The following LRRK1 variants were observed in gnomAD, a reference collection of about 807,000 sequenced individuals.
The protein encoded by LRRK1 is leucine-rich repeat serine/threonine-protein kinase 1.
In LRRK1, 113 loss-of-function variants were observed where a neutral mutation model predicts 209.1. The observed-to-expected ratio is 0.54, with a 90% CI of 0.46 to 0.63. LRRK1 has a LOEUF of 0.63. LRRK1 is among the 30% of genes least tolerant of loss of function. The probability of loss-of-function intolerance (pLI) is 0.00; values close to 1 mark genes in which losing one functional copy is unlikely to be tolerated. For missense variants in LRRK1, 2,284 were observed against 2,632.2 expected, an observed-to-expected ratio of 0.87 and a Z score of 2.89; for synonymous variants, 1,144 against 1,099.7, an observed-to-expected ratio of 1.04 and a Z score of -0.80.
At chr15:101,019,591 C>T (rs891683631) in intron 12 of LRRK1, among the ~76,000 whole-genome samples, 1 of 152,138 alleles carries the variant, frequency 6.6e-6, no homozygotes, top group South Asian at 2.1e-4. Context: ...TACCCATTAC[C>T]ATTGTTATTG....
At position 101,027,249 on chromosome 15, in the gene LRRK1, T is replaced by C. The variant is rs375996823; in HGVS notation, c.2406-12T>C. 2.9e-5 allele frequency: 46 copies of C among 1,613,610 alleles called. No individual in the cohort carries two copies. Among genetic ancestry groups the C allele is most frequent in the Non-Finnish European group, 3.7e-5 (44 of 1,179,906 alleles). ...GGGCATGATGAGTAAAGACGGGTCT[T>C]TTTGCTCACAGTGAGATTTCCTGCA... On this transcript the variant is annotated splice_polypyrimidine_tract_variant and intron_variant, in intron 17 of 33. Coordinates refer to ENST00000388948, the MANE Select transcript of LRRK1 (RefSeq NM_024652.6). The surrounding 1 kb of genome is among the most constrained non-coding windows in gnomAD (Gnocchi z 5.1).
intron 6 of LRRK1, among the ~76,000 whole-genome samples, chr15:100,996,351 G>C (rs1326945335): frequency 1.3e-5 from 2 of 152,224 alleles, no homozygotes; most frequent in African/African-American, 4.8e-5. Flanking sequence ...GGCCCCCATG[G>C]TGACAGCCAG....
At chr15:100,990,596 A>G (rs1273436900) in intron 6 of LRRK1, among the ~76,000 whole-genome samples, 2 of 152,140 alleles carry the variant, frequency 1.3e-5, no homozygotes, top group Admixed American at 6.5e-5. Context: ...TATATTAGTA[A>G]TAATACTGGA....
intron 29 of LRRK1, among the ~76,000 whole-genome samples, chr15:101,058,991 ACTTCGCAGTTTCT>A (rs1453736553): frequency 6.6e-6 from 1 of 152,126 alleles, no homozygotes; most frequent in Non-Finnish European, 1.5e-5. Flanking sequence ...AACGGAACAG[ACTTCGCAGTTTCT>A]CTTAGGTCAG....
Position 101,008,923 on chromosome 15 carries a change from C to T in LRRK1, c.849C>T (p.Leu283=). The T allele has an allele frequency of 1.2e-6, 2 of 1,614,162 alleles. No individual in the cohort carries two copies. The highest frequency in any genetic ancestry group is 1.7e-6 in the Non-Finnish European group (2 of 1,180,012). Residue 283 remains leucine, a synonymous_variant, in exon 7 of 34, where the codon CTC becomes CTT. Coordinates refer to ENST00000388948, the MANE Select transcript of LRRK1 (RefSeq NM_024652.6). ...LIDISCQITE[L]DLSANCLATL... The stretch of plus-strand genomic sequence containing the variant: ...ACATCTCCTGCCAGATCACGGAGCT[C>T]GACCTTTCTGCCAACTGCCTGGCGA...
rs115505750 is a variant in LRRK1 at position 100,926,482 on chromosome 15, A to G, written c.97+1753A>G. Among the ~76,000 whole-genome samples, 1,418 of 151,690 alleles carry G rather than the reference A, an allele frequency of 9.3e-3. 20 individuals carry two copies. Among genetic ancestry groups the G allele is most frequent in the African/African-American group, 0.033 (1,354 of 41,260 alleles). On this transcript the variant is annotated intron_variant, in intron 2 of 33. Coordinates refer to ENST00000388948, the MANE Select transcript of LRRK1 (RefSeq NM_024652.6). ...GGCGCTGCTCCCTCCCCTCCTGGTC[A>G]ACAGTTGGTGATCTAAAGGAGTGCT...
intron 4 of LRRK1, 54 bp downstream of exon 4, chr15:100,983,753 G>T (rs2031726901): frequency 6.6e-7 from 1 of 1,522,152 alleles, no homozygotes; most frequent in East Asian, 2.2e-5. Flanking sequence ...CTCTTCTTAG[G>T]CTTCACCCCA....
chr15:100,975,330 G>T (rs981423309), intron 3 of LRRK1, among the ~76,000 whole-genome samples: 1 of 152,242 alleles, frequency 6.6e-6, no homozygotes, highest in African/African-American at 2.4e-5. Context: ...ATGCTGACGG[G>T]GGAAGATGAT....
At chr15:100,933,110 ACT>A (rs1258350701) in intron 2 of LRRK1, among the ~76,000 whole-genome samples, 1 of 151,806 alleles carries the variant, frequency 6.6e-6, no homozygotes, top group Non-Finnish European at 1.5e-5. Flanking sequence ...CCTGCAGGAG[ACT>A]CTGTGTTCCT....
intron 23 of LRRK1, 108 bp downstream of exon 23, chr15:101,049,891 C>G: frequency 7.9e-7 from 1 of 1,265,982 alleles, no homozygotes; most frequent in East Asian, 2.5e-5. Context: ...GGATTCAGCC[C>G]AAGAAAACTA....
In LRRK1 at chr15:101,027,341, T is replaced by C. The variant is rs1399654915; in HGVS notation, c.2486T>C (p.Val829Ala). The C allele has an allele frequency of 6.2e-7, 1 of 1,613,968 alleles. No individual in the cohort carries two copies. The highest frequency in any genetic ancestry group is 1.3e-5 in the African/African-American group (1 of 74,932). Residue 829 changes from valine (V) to alanine (A), a missense_variant, in exon 18 of 34, where the codon GTG becomes GCG. Coordinates refer to ENST00000388948, the MANE Select transcript of LRRK1 (RefSeq NM_024652.6). This position sits in a 1 kb window ranked among gnomAD's most constrained non-coding sequence, Gnocchi z 5.1. Reference protein sequence around the residue: ...IFHVTCSMKDVGSTIGCQRLA... With the variant: ...IFHVTCSMKDAGSTIGCQRLA... The stretch of plus-strand genomic sequence containing the variant: ...CACGTCACGTGCAGCATGAAGGACG[T>C]GGGCAGCACCATCGGCTGCCAGCGA...
chr15:101,031,766 G>A (rs374611558), intron 20 of LRRK1, among the ~76,000 whole-genome samples: 2 of 148,324 alleles, frequency 1.3e-5, no homozygotes, highest in South Asian at 2.1e-4. Context: ...ATGGAGTCTC[G>A]CTCTGTCGCC....
intron 20 of LRRK1, among the ~76,000 whole-genome samples, chr15:101,037,537 C>T (rs2034540728): frequency 6.6e-6 from 1 of 152,158 alleles, no homozygotes; most frequent in South Asian, 2.1e-4. Context: ...GATCCCCAGG[C>T]CAGCAATGGA....
chr15:101,006,018 T>C (rs896962372), intron 6 of LRRK1, among the ~76,000 whole-genome samples: 1 of 152,152 alleles, frequency 6.6e-6, no homozygotes, highest in Non-Finnish European at 1.5e-5. Flanking sequence ...AAACACAGAA[T>C]TGTCACATAG....
At chr15:100,953,086 A>G (rs1344885551) in intron 2 of LRRK1, among the ~76,000 whole-genome samples, 2 of 152,220 alleles carry the variant, frequency 1.3e-5, no homozygotes, top group African/African-American at 4.8e-5. Context: ...AATCAAGTTA[A>G]TGAACACATC....
In LRRK1 at chr15:101,062,482, C is replaced by T; in HGVS notation, c.4798-92C>T. ...AACTTTCCAAGACCCATAGGGGATC[C>T]CCAAGTCCAAGTGCATCCTCATGGG... On this transcript the variant is annotated intron_variant, in intron 30 of 33. Transcript: ENST00000388948. 3 of 893,126 alleles carry T rather than the reference C, an allele frequency of 3.4e-6. No individual in the cohort carries two copies. The South Asian group carries it at 4.1e-5, about 12-fold the overall frequency. The allele number at this position is 893,126 out of a possible 1,614,324, so 55.3% of individuals were successfully genotyped here. A position where few individuals can be genotyped will look rare whatever the true frequency, so the allele number is the denominator to read the frequency against.
chr15:101,013,895 C>T (rs1269865464), intron 10 of LRRK1, among the ~76,000 whole-genome samples: 2 of 152,136 alleles, frequency 1.3e-5, no homozygotes, highest in African/African-American at 2.4e-5. Context: ...AGGCCACCCA[C>T]CAGGAGGTGG....
intron 2 of LRRK1, among the ~76,000 whole-genome samples, chr15:100,972,674 CT>C (rs1032610092): frequency 2.6e-5 from 4 of 152,030 alleles, no homozygotes; most frequent in Non-Finnish European, 5.9e-5. Flanking sequence ...GCCCCGAGTG[CT>C]TTTTCTTCTT....
rs370719118 is a variant in LRRK1, at chr15:100,923,236, G to A, written c.-122-1275G>A. 3.9e-3 allele frequency among the ~76,000 whole-genome samples: 599 copies of A among 152,232 alleles called. 1 individual carries two copies. The highest frequency in any genetic ancestry group is 6.6e-3 in the Non-Finnish European group (447 of 68,016). On this transcript the variant is annotated intron_variant, in intron 1 of 33. Coordinates refer to ENST00000388948, the MANE Select transcript of LRRK1 (RefSeq NM_024652.6). ...ACTAGCAGGCCCGGGCATAAGGGTG[G>A]ATGTCTATTTTTAACAGGTGAAAAC...
Sources: gnomAD v4.1 joint callset for allele counts (sites outside exome capture counted in the v4.1 genomes callset) on GRCh38, gnomAD v4.1.1 for gene constraint, Gnocchi (gnomAD v3.1) non-coding constraint, MANE v1.5 for transcripts, NCBI Gene and HGNC (gene_info 2026-07-23, HGNC 2026-07-21) for gene names.